Variants in RTBDN observed in about 807,000 individuals in gnomAD.
RTBDN encodes retbindin.
A neutral mutation model predicts 21.9 loss-of-function variants in RTBDN; 24 were observed. The observed-to-expected ratio is 1.10, with a 90% CI of 0.79 to 1.54. The LOEUF is 1.54. Among genes scored for constraint, RTBDN ranks in the 40% most tolerant of loss-of-function variants. The pLI is 0.00. For synonymous variants in RTBDN, 141 were observed against 125.9 expected, an observed-to-expected ratio of 1.12 and a Z score of -0.80; for missense variants, 325 against 315.2, an observed-to-expected ratio of 1.03 and a Z score of -0.23.
chr19:12,834,716 G>A (rs1394691345), upstream of RTBDN: 2 of 1,565,952 alleles, frequency 1.3e-6, no homozygotes, highest in East Asian at 2.2e-5. The surrounding 1 kb of genome is among the most constrained non-coding windows in gnomAD (Gnocchi z 4.7). Flanking sequence ...ACTGCACGGA[G>A]TGGGACACTG....
chr19:12,826,178 C>G, intron 5 of RTBDN: 7 of 1,370,554 alleles, frequency 5.1e-6, no homozygotes, highest in Non-Finnish European at 6.6e-6. Flanking sequence ...AGGTCTGTAT[C>G]AAGGCTGGGG....
At chr19:12,826,609 A>G (rs1969309046) in intron 5 of RTBDN, 166 bp downstream of exon 5, 2 of 698,610 alleles carry the variant, frequency 2.9e-6, no homozygotes, top group Non-Finnish European at 4.6e-6. Flanking sequence ...CAGGAGAATC[A>G]CTTGAACCCC....
intron 5 of RTBDN, 52 bp from the exon 6 acceptor site, chr19:12,825,985 G>A (rs779547074): frequency 1.3e-6 from 2 of 1,496,770 alleles, no homozygotes; most frequent in Non-Finnish European, 8.9e-7. Flanking sequence ...GAGACGTGGG[G>A]GGCGTGGCCT....
chr19:12,829,676 TTC>T (rs1398916292), intron 2 of RTBDN, 133 bp downstream of exon 2: 2 of 823,564 alleles, frequency 2.4e-6, no homozygotes, highest in Non-Finnish European at 3.7e-6. Context: ...TTATCCACCA[TTC>T]TTCAGCACTA....
Position 12,825,712 on chromosome 19 carries a change from G to A in RTBDN, c.684C>T (p.Gly228=), listed in dbSNP as rs751401201. ...ACTCAGGGCCACGCGTCCGCTAGGG[G>A]CCGCTGCCGCTTCCACTGCCACTCC... The part of the protein sequence containing the change: ...GSGSGSGSGS[G]P Residue 228 remains glycine (G), a synonymous_variant, in exon 6 of 6, where the codon GGC becomes GGT. Coordinates refer to ENST00000674343, the MANE Select transcript of RTBDN (RefSeq NM_001270441.2). The A allele has an allele frequency of 1.3e-5, 20 of 1,570,302 alleles. No individual in the cohort carries two copies. The Admixed American group carries it at 2.1e-4, about 16-fold the overall frequency.
At position 12,834,515 on chromosome 19, in the gene RTBDN, C is replaced by G; in HGVS notation, c.-45G>C. On this transcript the variant is annotated 5_prime_UTR_variant, in exon 1 of 6. Coordinates refer to ENST00000674343, the MANE Select transcript of RTBDN (RefSeq NM_001270441.2). The surrounding 1 kb of genome is among the most constrained non-coding windows in gnomAD (Gnocchi z 4.7). ...TGCCTGGCCATCAGGATTCTTCCTA[C>G]TGCCCTAATTGGACAGGCACCTAGA... 1 of 1,535,570 alleles carries G rather than the reference C, an allele frequency of 6.5e-7. No homozygotes were observed. The highest frequency in any genetic ancestry group is 8.7e-7 in the Non-Finnish European group (1 of 1,146,632).
rs766008124 is a variant in RTBDN, at chr19:12,830,693, C to G, written c.-18-696G>C. 21 of 985,644 alleles carry G rather than the reference C, an allele frequency of 2.1e-5. No homozygotes were observed. Among genetic ancestry groups the G allele is most frequent in the Non-Finnish European group, 2.4e-5 (20 of 830,078 alleles). 61.1% of individuals were successfully genotyped at this position (985,644 alleles called of 1,614,324 possible). Reference sequence around the variant, plus strand: ...AAACTGGCTGCTGAAAGGGGCGTGGCTTAATGCAGGGGCGGGACCTCCCAC... The same window carrying G: ...AAACTGGCTGCTGAAAGGGGCGTGGGTTAATGCAGGGGCGGGACCTCCCAC... On this transcript the variant is annotated intron_variant, in intron 1 of 5. Transcript: ENST00000674343. The surrounding 1 kb of genome is among the most constrained non-coding windows in gnomAD (Gnocchi z 4.2).
In RTBDN at chr19:12,825,915, C is replaced by G. The variant is rs868707357; in HGVS notation, c.481G>C (p.Asp161His). 3.1e-6 allele frequency: 5 copies of G among 1,596,560 alleles called. No individual in the cohort carries two copies. The highest frequency in any genetic ancestry group is 1.1e-5 in the South Asian group (1 of 89,674). The change falls in exon 6 of 6, where the codon GAC becomes CAC. Residue 161 changes from aspartate (D) to histidine (H), a missense_variant. Physicochemically the swap from Asp to His is moderately conservative, Grantham distance 81. Transcript: ENST00000674343. ...TYGQTFADGTDLCRSALGHAL... is the reference protein window; with the variant it reads ...TYGQTFADGTHLCRSALGHAL... ...TGGCCCAGAGCCGAGCGACAAAGGT[C>G]CGTCCCGTCTGCGAAGGTCTAGGAA...
At position 12,832,765 on chromosome 19, in the gene RTBDN, T is replaced by G. The variant is rs577567284; in HGVS notation, c.-19+1724A>C. 1.4e-4 allele frequency: 22 copies of G among 152,206 alleles called. No individual in the cohort carries two copies. The East Asian group carries it at 4.1e-3, about 28-fold the overall frequency. 9.4% of individuals were successfully genotyped at this position (152,206 alleles called of 1,614,324 possible). A position where few individuals can be genotyped will look rare whatever the true frequency, so the allele number is the denominator to read the frequency against. On this transcript the variant is annotated intron_variant, in intron 1 of 5. Transcript: ENST00000674343. The stretch of plus-strand genomic sequence containing the variant: ...AAGGCGCGGACTTGAGGCGACAAGC[T>G]CCTGGTGAATACCCGGACCCAGCCT...
intron 4 of RTBDN, among the ~76,000 whole-genome samples, chr19:12,827,622 C>T (rs1260623587): frequency 6.6e-6 from 1 of 152,034 alleles, no homozygotes; most frequent in Non-Finnish European, 1.5e-5. Flanking sequence ...TACGTCCGGC[C>T]CATGTCTAAT....
chr19:12,832,085 T>C lies in RTBDN; in HGVS notation c.-18-2088A>G, dbSNP rs1969593911. ...TGCGTGTGTCTGCATTTGCTGAGTA[T>C]GTGTTTGTATGTGTGTTAATTTGCA... On this transcript the variant is annotated intron_variant, in intron 1 of 5. Coordinates refer to ENST00000674343, the MANE Select transcript of RTBDN (RefSeq NM_001270441.2). 2.0e-5 allele frequency among the ~76,000 whole-genome samples: 3 copies of C among 152,098 alleles called. No homozygotes were observed. In the South Asian group the frequency reaches 6.2e-4, roughly 31 times the overall value.
chr19:12,828,186 A>G (rs1421343593), intron 4 of RTBDN, among the ~76,000 whole-genome samples: 2 of 151,826 alleles, frequency 1.3e-5, no homozygotes, highest in East Asian at 3.9e-4. Context: ...TCACGAGGTC[A>G]GGAGTCTGAG....
intron 2 of RTBDN, 151 bp from the exon 3 acceptor site, chr19:12,829,104 C>T: frequency 4.7e-6 from 6 of 1,264,110 alleles, no homozygotes; most frequent in Admixed American, 2.8e-5. Flanking sequence ...AATGCAAATG[C>T]AGCTTCAAGT....
Position 12,825,878 on chromosome 19 carries a change from A to C in RTBDN, c.518T>G (p.Val173Gly). 6.2e-7 allele frequency: 1 copy of C among 1,613,212 alleles called. No individual in the cohort carries two copies. The highest frequency in any genetic ancestry group is 8.5e-7 in the Non-Finnish European group (1 of 1,179,654). Reference protein sequence around the residue: ...CRSALGHALPVAAPGARHCFN... With the variant: ...CRSALGHALPGAAPGARHCFN... ...GCAGTGACGGGCTCCAGGAGCAGCC[A>C]CCGGTAGGGCGTGGCCCAGAGCCGA... Residue 173 changes from valine (V) to glycine (G), a missense_variant, in exon 6 of 6, where the codon GTG becomes GGG. Transcript: ENST00000674343.
Position 12,825,681 on chromosome 19 carries a change from C to T in RTBDN, c.*25G>A. 6.5e-7 allele frequency: 1 copy of T among 1,547,562 alleles called. No homozygotes were observed. Among genetic ancestry groups the T allele is most frequent in the Non-Finnish European group, 8.7e-7 (1 of 1,146,840 alleles). On this transcript the variant is annotated 3_prime_UTR_variant, in exon 6 of 6. Coordinates refer to ENST00000674343, the MANE Select transcript of RTBDN (RefSeq NM_001270441.2). ...GGGCGGGGCTGGGGGAAGGGTCGCT[C>T]CCCCAACTCAGGGCCACGCGTCCGC...
chr19:12,828,774 G>T lies in RTBDN; in HGVS notation c.255-7C>A. On this transcript the variant is annotated splice_region_variant and splice_polypyrimidine_tract_variant and intron_variant, in intron 3 of 5. Transcript: ENST00000674343. The stretch of plus-strand genomic sequence containing the variant: ...TTCCAGGAAGGATTCGCATCTGGAC[G>T]TTGGGAGAGATAGGGTCGGATGGGT... 6.2e-7 allele frequency: 1 copy of T among 1,614,008 alleles called. No individual in the cohort carries two copies. Among genetic ancestry groups the T allele is most frequent in the Non-Finnish European group, 8.5e-7 (1 of 1,179,814 alleles).
intron 5 of RTBDN, chr19:12,826,310 C>T: frequency 8.2e-7 from 1 of 1,216,862 alleles, no homozygotes; most frequent in Non-Finnish European, 1.0e-6. Context: ...TCAAAGGGCA[C>T]AACCCAGTAG....
chr19:12,826,641 C>T lies in RTBDN; in HGVS notation c.462+134G>A, dbSNP rs142662990. ...CCCCGGAGGCGGAGGTTGCATCGAG[C>T]TGAGATCGCGCCACTGCACTCCAGC... On this transcript the variant is annotated intron_variant, in intron 5 of 5. Coordinates refer to ENST00000674343, the MANE Select transcript of RTBDN (RefSeq NM_001270441.2). 3.0e-4 allele frequency: 221 copies of T among 748,700 alleles called. No individual in the cohort carries two copies. In the African/African-American group the frequency reaches 3.6e-3, roughly 12 times the overall value. The allele number at this position is 748,700 out of a possible 1,614,324, so 46.4% of individuals were successfully genotyped here.
chr19:12,834,484 C>G lies in RTBDN; in HGVS notation c.-19+5G>C, dbSNP rs776337751. On this transcript the variant is annotated splice_donor_5th_base_variant and intron_variant, in intron 1 of 5. Coordinates refer to ENST00000674343, the MANE Select transcript of RTBDN (RefSeq NM_001270441.2). This position sits in a 1 kb window ranked among gnomAD's most constrained non-coding sequence, Gnocchi z 4.7. ...GGCATAGGACGCCCTGCGTCCCCCA[C>G]GCACCTGCCTGGCCATCAGGATTCT... is the stretch of plus-strand genomic sequence containing the variant. The G allele has an allele frequency of 5.2e-6, 8 of 1,534,786 alleles. No individual in the cohort carries two copies. The highest frequency in any genetic ancestry group is 1.7e-4 in the Middle Eastern group (1 of 6,002).
Sources: gnomAD v4.1 joint callset for allele counts (sites outside exome capture counted in the v4.1 genomes callset) on GRCh38, gnomAD v4.1.1 for gene constraint, Gnocchi (gnomAD v3.1) non-coding constraint, MANE v1.5 for transcripts, NCBI Gene and HGNC (gene_info 2026-07-23, HGNC 2026-07-21) for gene names.